MSI2: variants seen among roughly 807,000 people sequenced by gnomAD.
The protein encoded by MSI2 is RNA-binding protein Musashi homolog 2.
MSI2 carries 17 observed loss-of-function variants against 45.6 expected under a neutral mutation model. That is an observed-to-expected ratio of 0.37 (90% CI 0.26 to 0.56). The LOEUF (loss-of-function observed/expected upper bound fraction) is 0.56. Among genes scored for constraint, MSI2 ranks in the 20% least tolerant of loss-of-function variants. The pLI, the probability that MSI2 is intolerant of heterozygous loss-of-function variation, is 0.77. For synonymous variants in MSI2, 156 were observed against 158.2 expected (o/e 0.99, Z 0.11); for missense variants, 293 against 444.2 (o/e 0.66, Z 3.06).
chr17:57,651,198 C>G (rs1221895427), intron 10 of MSI2, among the ~76,000 whole-genome samples: 1 of 152,164 alleles, frequency 6.6e-6, no homozygotes, highest in Non-Finnish European at 1.5e-5. Flanking sequence ...AAGAGGTTAC[C>G]TTGGCCTCCT....
intron 7 of MSI2, among the ~76,000 whole-genome samples, chr17:57,578,676 G>A (rs1260109872): frequency 6.6e-6 from 1 of 152,116 alleles, no homozygotes; most frequent in Non-Finnish European, 1.5e-5. Context: ...CTTTGGGGCA[G>A]TTTGTGCTTT....
chr17:57,478,066 T>C (rs1482549179), intron 6 of MSI2, among the ~76,000 whole-genome samples: 1 of 152,122 alleles, frequency 6.6e-6, no homozygotes, highest in Non-Finnish European at 1.5e-5. Context: ...CTGAGAAGAC[T>C]CGCCCACCCA....
chr17:57,427,834 C>G (rs2084522746), intron 6 of MSI2, among the ~76,000 whole-genome samples: 1 of 152,116 alleles, frequency 6.6e-6, no homozygotes, highest in South Asian at 2.1e-4. Context: ...AAATCTGCTT[C>G]CCTGCTTAAA....
intron 5 of MSI2, among the ~76,000 whole-genome samples, chr17:57,360,501 C>G (rs1916742379): frequency 6.6e-6 from 1 of 152,242 alleles, no homozygotes; most frequent in African/African-American, 2.4e-5. Flanking sequence ...TGACTTGTCT[C>G]TTGTCCCCAG....
chr17:57,667,521 A>G (rs973731987), intron 11 of MSI2, among the ~76,000 whole-genome samples: 2 of 152,266 alleles, frequency 1.3e-5, no homozygotes, highest in Admixed American at 1.3e-4. Context: ...GCCAGGCAGG[A>G]GTGATATCCA....
intron 6 of MSI2, among the ~76,000 whole-genome samples, chr17:57,460,351 G>T (rs2085202289): frequency 6.6e-6 from 1 of 151,518 alleles, no homozygotes; most frequent in African/African-American, 2.4e-5. Flanking sequence ...GGAAGTTAGG[G>T]AGGGAAAGAG....
chr17:57,674,981 C>A lies in MSI2; in HGVS notation c.800C>A (p.Pro267Gln), dbSNP rs893101427. The change falls in exon 12 of 14, where the codon CCG (proline) becomes CAG (glutamine). Residue 267 changes from proline to glutamine, a missense_variant. Transcript: ENST00000284073. Reference sequence around the variant, plus strand: ...CCCGCTTCCCCGGCAGGCTCCAACCCGGCGCGGCCCGGAGGCTTCCCGGGG... The same window carrying A: ...CCCGCTTCCCCGGCAGGCTCCAACCAGGCGCGGCCCGGAGGCTTCCCGGGG... ...VAAARGSGSNPARPGGFPGAN... is the reference protein window; with the variant it reads ...VAAARGSGSNQARPGGFPGAN... 4 of 1,613,230 alleles carry A rather than the reference C, an allele frequency of 2.5e-6. No individual in the cohort carries two copies. The highest frequency in any genetic ancestry group is 3.4e-6 in the Non-Finnish European group (4 of 1,179,702).
chr17:57,524,664 C>G (rs547357542), intron 6 of MSI2, among the ~76,000 whole-genome samples: 1 of 152,328 alleles, frequency 6.6e-6, no homozygotes, highest in Non-Finnish European at 1.5e-5. Context: ...TAAGAAATCC[C>G]TCTTCTTATC....
At chr17:57,406,338 C>A (rs538743127) in intron 6 of MSI2, among the ~76,000 whole-genome samples, 1 of 152,322 alleles carries the variant, frequency 6.6e-6, no homozygotes, top group African/African-American at 2.4e-5. Flanking sequence ...CAAAGAAACT[C>A]CACACACACG....
intron 6 of MSI2, chr17:57,522,319 A>T (rs747861398): frequency 6.6e-6 from 1 of 152,194 alleles, no homozygotes; most frequent in Non-Finnish European, 1.5e-5. Flanking sequence ...ATTCAAGGGC[A>T]TTTGTTCTGG....
chr17:57,625,378 T>C (rs1908701687), intron 9 of MSI2, among the ~76,000 whole-genome samples: 1 of 152,150 alleles, frequency 6.6e-6, no homozygotes, highest in Admixed American at 6.5e-5. Flanking sequence ...GGAGCCCACC[T>C]CCAAGGCACA....
intron 8 of MSI2, among the ~76,000 whole-genome samples, chr17:57,598,476 T>C (rs2144467474): frequency 6.6e-6 from 1 of 152,344 alleles, no homozygotes; most frequent in African/African-American, 2.4e-5. Context: ...TGCCATCATA[T>C]GCATCTGAAA....
Position 57,414,292 on chromosome 17 carries a change from TTG to T in MSI2, c.405+12822_405+12823del, listed in dbSNP as rs2084252412. Among the ~76,000 whole-genome samples, 3 of 152,172 alleles carry T rather than the reference TTG, an allele frequency of 2.0e-5. No individual in the cohort carries two copies. The South Asian group carries it at 6.2e-4, about 31-fold the overall frequency. Reference sequence around the variant, plus strand: ...GACTGGCCTATGGCCTGGGCAGTAGTTGGTGCTCAGTAAACAGTGGTGGAATG... The same window carrying T: ...GACTGGCCTATGGCCTGGGCAGTAGTGTGCTCAGTAAACAGTGGTGGAATG... On this transcript the variant is annotated intron_variant, in intron 6 of 13. Coordinates refer to ENST00000284073, the MANE Select transcript of MSI2 (RefSeq NM_138962.4).
At chr17:57,630,894 G>C (rs925166176) in intron 10 of MSI2, 1 of 152,324 alleles carries the variant, frequency 6.6e-6, no homozygotes, top group Admixed American at 6.5e-5. Flanking sequence ...ATCTGGCCGA[G>C]GCGGCTGGGG....
chr17:57,517,662 T>C (rs1204227059), intron 6 of MSI2, among the ~76,000 whole-genome samples: 1 of 152,200 alleles, frequency 6.6e-6, no homozygotes. Context: ...GTTACCAACA[T>C]GCACTCCAAG....
intron 5 of MSI2, among the ~76,000 whole-genome samples, chr17:57,367,080 A>C (rs568633545): frequency 6.6e-6 from 1 of 152,208 alleles, no homozygotes; most frequent in Admixed American, 6.5e-5. Flanking sequence ...AGTGTATACA[A>C]ATAGTGATAT....
rs534590614 is a variant in MSI2 at position 57,665,558 on chromosome 17, T to G, written c.791-9414T>G. Among the ~76,000 whole-genome samples the G allele has an allele frequency of 9.2e-5, 14 of 152,352 alleles. No individual in the cohort carries two copies. In the South Asian group the frequency reaches 1.2e-3, roughly 14 times the overall value. On this transcript the variant is annotated intron_variant, in intron 11 of 13. Transcript: ENST00000284073. ...AGCTACTCAAGTGGAAAGTCTTTTG[T>G]GTGGGTCCTCAAGGGGCTGCCCCTG...
intron 10 of MSI2, among the ~76,000 whole-genome samples, chr17:57,638,929 C>A (rs543714937): frequency 2.2e-4 from 33 of 152,238 alleles, no homozygotes; most frequent in Admixed American, 1.8e-3. Flanking sequence ...AGTTATATTT[C>A]TCACAGTTCT....
chr17:57,310,540 G>A (rs1912310047), intron 5 of MSI2, among the ~76,000 whole-genome samples: 1 of 152,104 alleles, frequency 6.6e-6, no homozygotes, highest in African/African-American at 2.4e-5. Context: ...TACCATGTTG[G>A]CCAGGCTGGT....
Sources: gnomAD v4.1 joint callset for allele counts (sites outside exome capture counted in the v4.1 genomes callset) on GRCh38, gnomAD v4.1.1 for gene constraint, MANE v1.5 for transcripts, NCBI Gene and HGNC (gene_info 2026-07-23, HGNC 2026-07-21) for gene names.